The following AFG2A variants were observed in gnomAD, a reference collection of about 807,000 sequenced individuals.
AFG2A encodes the protein AAA ATPase AFG2A.
the AFG2A span, among the ~76,000 whole-genome samples, chr4:123,127,390 G>A: frequency 6.6e-6 from 1 of 152,068 alleles, no homozygotes; most frequent in African/African-American, 2.4e-5. Flanking sequence ...TCAAACCATA[G>A]TTCATTCAAC....
the AFG2A span, among the ~76,000 whole-genome samples, chr4:123,011,140 G>A: frequency 6.6e-6 from 1 of 152,100 alleles, no homozygotes; most frequent in Non-Finnish European, 1.5e-5. Context: ...CTTCCCCATG[G>A]GGGAGCTTAC....
the AFG2A span, among the ~76,000 whole-genome samples, chr4:122,984,868 A>G: frequency 3.3e-5 from 5 of 152,274 alleles, no homozygotes; most frequent in South Asian, 1.0e-3. Flanking sequence ...TTTTTTAAGT[A>G]AGGATTTTAG....
chr4:123,028,067 A>T, the AFG2A span: 4 of 801,608 alleles, frequency 5.0e-6, no homozygotes, highest in Non-Finnish European at 7.7e-6. Context: ...GATTTTCCTG[A>T]TTCTTAAATG....
At chr4:123,202,010 T>C in the AFG2A span, among the ~76,000 whole-genome samples, 1,050 of 152,324 alleles carry the variant, frequency 6.9e-3, 13 homozygotes, top group African/African-American at 0.024. Context: ...TTGTGGCTGA[T>C]TGAAAAATGT....
chr4:123,189,211 G>A, the AFG2A span, among the ~76,000 whole-genome samples: 2 of 152,176 alleles, frequency 1.3e-5, no homozygotes, highest in African/African-American at 4.8e-5. Context: ...AAGAAACCCT[G>A]CTCTGCGGAA....
At chr4:123,082,087 C>G in the AFG2A span, among the ~76,000 whole-genome samples, 1 of 152,264 alleles carries the variant, frequency 6.6e-6, no homozygotes, top group South Asian at 2.1e-4. Flanking sequence ...CTTGCCTTCT[C>G]ATTTTCTTGA....
At chr4:123,275,936 A>C in the AFG2A span, among the ~76,000 whole-genome samples, 4 of 152,174 alleles carry the variant, frequency 2.6e-5, no homozygotes, top group Non-Finnish European at 4.4e-5. Context: ...TATTATGAAT[A>C]GTGCTACAGT....
chr4:123,314,538 A>G, the AFG2A span: 3 of 152,340 alleles, frequency 2.0e-5, no homozygotes, highest in Admixed American at 2.0e-4. Flanking sequence ...AAATGGCCCA[A>G]TGTGCCAGCC....
the AFG2A span, among the ~76,000 whole-genome samples, chr4:123,298,287 G>A: frequency 4.6e-5 from 7 of 152,194 alleles, no homozygotes; most frequent in African/African-American, 9.7e-5. Context: ...GTAAAACACA[G>A]CAACTGTTCC....
the AFG2A span, among the ~76,000 whole-genome samples, chr4:123,042,167 A>G: frequency 2.0e-5 from 3 of 152,306 alleles, no homozygotes; most frequent in East Asian, 1.9e-4. Context: ...TCAGGCTGCT[A>G]TAACAAAATA....
the AFG2A span, among the ~76,000 whole-genome samples, chr4:123,081,740 G>T: frequency 6.6e-6 from 1 of 152,116 alleles, no homozygotes; most frequent in East Asian, 1.9e-4. Context: ...AAGAGTGGTT[G>T]TACCATTTTT....
At chr4:123,226,706 A>G in the AFG2A span, among the ~76,000 whole-genome samples, 3 of 152,180 alleles carry the variant, frequency 2.0e-5, no homozygotes, top group Admixed American at 6.6e-5. Flanking sequence ...CTTTGGTATT[A>G]GGATGATGCT....
the AFG2A span, among the ~76,000 whole-genome samples, chr4:123,207,512 A>G: frequency 6.6e-6 from 1 of 151,912 alleles, no homozygotes; most frequent in African/African-American, 2.4e-5. Flanking sequence ...TTTTGGTAGA[A>G]ATGAGTTTCG....
At chr4:123,046,049 A>T in the AFG2A span, among the ~76,000 whole-genome samples, 1 of 151,850 alleles carries the variant, frequency 6.6e-6, no homozygotes, top group African/African-American at 2.4e-5. Context: ...GTGAGTGGAG[A>T]TTGCACCACT....
chr4:123,181,894 G>C, the AFG2A span, among the ~76,000 whole-genome samples: 3 of 152,264 alleles, frequency 2.0e-5, no homozygotes, highest in South Asian at 6.2e-4. Flanking sequence ...CTTTACTACA[G>C]AAAATAATTT....
the AFG2A span, among the ~76,000 whole-genome samples, chr4:123,305,047 T>C: frequency 6.6e-6 from 1 of 152,188 alleles, no homozygotes; most frequent in Non-Finnish European, 1.5e-5. Flanking sequence ...ACTAGGTGAA[T>C]GAATTCAGCT....
chr4:123,103,689 G>A, the AFG2A span, among the ~76,000 whole-genome samples: 2 of 152,026 alleles, frequency 1.3e-5, no homozygotes, highest in Admixed American at 1.3e-4. Flanking sequence ...AAATTGTCCA[G>A]CAAAGACCTG....
the AFG2A span, among the ~76,000 whole-genome samples, chr4:123,232,918 A>G: frequency 6.6e-6 from 1 of 152,102 alleles, no homozygotes; most frequent in African/African-American, 2.4e-5. Context: ...AAAACCCCGC[A>G]GGTGCTTCGC....
chr4:123,076,230 T>C, the AFG2A span, among the ~76,000 whole-genome samples: 1 of 152,168 alleles, frequency 6.6e-6, no homozygotes, highest in African/African-American at 2.4e-5. Context: ...ATGGCACCAC[T>C]GCACTCCAGT....
Sources: gnomAD v4.1 joint callset for allele counts (sites outside exome capture counted in the v4.1 genomes callset) on GRCh38, gnomAD v4.1.1 for gene constraint, MANE v1.5 for transcripts, NCBI Gene and HGNC (gene_info 2026-07-23, HGNC 2026-07-21) for gene names.